The following RBFOX2 variants were observed in gnomAD, a reference collection of about 807,000 sequenced individuals.
RBFOX2 encodes RNA binding protein fox-1 homolog 2.
In RBFOX2, 10 loss-of-function variants were observed where a neutral mutation model predicts 49.1. That is an observed-to-expected ratio of 0.20 (90% CI 0.13 to 0.35). The LOEUF (loss-of-function observed/expected upper bound fraction) is 0.35, where lower values mean the gene tolerates loss of function less well. RBFOX2 is among the 10% of genes least tolerant of loss of function. RBFOX2 has a pLI of 1.00. For missense variants in RBFOX2, 323 were observed against 486.9 expected (o/e 0.66, Z 3.17); for synonymous variants, 183 against 187.4 (o/e 0.98, Z 0.19).
intron 1 of RBFOX2, among the ~76,000 whole-genome samples, chr22:35,949,772 T>C (rs1306946243): frequency 6.6e-6 from 1 of 152,220 alleles, no homozygotes; most frequent in Non-Finnish European, 1.5e-5. Context: ...TTTGCTTTTT[T>C]GTTGTTGAGT....
intron 1 of RBFOX2, among the ~76,000 whole-genome samples, chr22:36,017,294 C>A (rs747630063): frequency 6.6e-6 from 1 of 151,998 alleles, no homozygotes; most frequent in African/African-American, 2.4e-5. Flanking sequence ...CTTTGCAAGC[C>A]GAGGCGGGTG....
intron 1 of RBFOX2, among the ~76,000 whole-genome samples, chr22:35,886,877 G>A (rs1443892884): frequency 1.3e-5 from 2 of 152,146 alleles, no homozygotes; most frequent in South Asian, 4.1e-4. Flanking sequence ...GGGAGTTAGT[G>A]AAGTAAGACT....
chr22:35,906,671 C>T (rs1012335926), intron 1 of RBFOX2, among the ~76,000 whole-genome samples: 5 of 151,960 alleles, frequency 3.3e-5, no homozygotes, highest in Admixed American at 2.6e-4. Context: ...AAAAATTAGC[C>T]GGGCGTGGTG....
intron 1 of RBFOX2, among the ~76,000 whole-genome samples, chr22:35,828,221 C>A (rs1442951413): frequency 6.7e-6 from 1 of 148,978 alleles, no homozygotes; most frequent in Non-Finnish European, 1.5e-5. Flanking sequence ...AAAAAAACCA[C>A]AAAATACATG....
chr22:35,808,054 GATA>G (rs762946048), intron 2 of RBFOX2, among the ~76,000 whole-genome samples: 1 of 151,970 alleles, frequency 6.6e-6, no homozygotes, highest in Non-Finnish European at 1.5e-5. Context: ...AAAAAACCCT[GATA>G]ATTAGTATAG....
exon 1 of RBFOX2, chr22:36,028,537 CGCGT>C (rs990342798): frequency 1.8e-4 from 167 of 946,786 alleles, no homozygotes; most frequent in Middle Eastern, 5.3e-4. Context: ...CCCCCGCCCC[CGCGT>C]GCGTGCGTGC....
rs141236259 is a variant in RBFOX2 at position 35,936,618 on chromosome 22, C to A, written c.-34+2229G>T. Reference sequence around the variant, plus strand: ...AAAATAAACTAAAATAAACCTGTCACCATCAGAATGTGCCTCAAAGTAAAT... The same window carrying A: ...AAAATAAACTAAAATAAACCTGTCAACATCAGAATGTGCCTCAAAGTAAAT... On this transcript the variant is annotated intron_variant, in intron 1 of 13. Coordinates refer to the RBFOX2 transcript ENST00000359369. 3.4e-4 allele frequency among the ~76,000 whole-genome samples: 52 copies of A among 152,274 alleles called. No homozygotes were observed. The East Asian group carries it at 9.5e-3, about 28-fold the overall frequency.
chr22:35,944,505 A>C (rs1426312498), intron 1 of RBFOX2, among the ~76,000 whole-genome samples: 1 of 152,212 alleles, frequency 6.6e-6, no homozygotes, highest in Non-Finnish European at 1.5e-5. Flanking sequence ...AGCATTTTAA[A>C]AATACAGTTA....
At chr22:35,816,492 T>C (rs1179195066) in intron 1 of RBFOX2, among the ~76,000 whole-genome samples, 1 of 152,142 alleles carries the variant, frequency 6.6e-6, no homozygotes, top group East Asian at 1.9e-4. Context: ...CATTTTCTCT[T>C]TTACAATACA....
intron 1 of RBFOX2, among the ~76,000 whole-genome samples, chr22:35,928,680 C>T (rs1012811929): frequency 6.6e-6 from 1 of 152,098 alleles, no homozygotes; most frequent in African/African-American, 2.4e-5. Flanking sequence ...TAACTGAGAA[C>T]AAATATTTGC....
chr22:35,919,565 G>T (rs144024489), intron 1 of RBFOX2, among the ~76,000 whole-genome samples: 1 of 151,890 alleles, frequency 6.6e-6, no homozygotes, highest in Non-Finnish European at 1.5e-5. Flanking sequence ...TGATAACTAC[G>T]GGGAATGGAG....
intron 1 of RBFOX2, 79 bp from the exon 3 acceptor site, chr22:35,810,083 T>G: frequency 7.2e-7 from 1 of 1,391,922 alleles, no homozygotes; most frequent in Non-Finnish European, 1.0e-6. Flanking sequence ...GTATATGGAA[T>G]TCTCTGAATA....
chr22:35,941,464 T>C (rs1039446623), upstream of RBFOX2, among the ~76,000 whole-genome samples: 9 of 152,152 alleles, frequency 5.9e-5, no homozygotes, highest in South Asian at 8.3e-4. Context: ...CAATAACACA[T>C]AGATATTGAA....
chr22:35,934,779 G>A (rs747456328), intron 1 of RBFOX2, among the ~76,000 whole-genome samples: 9 of 152,126 alleles, frequency 5.9e-5, no homozygotes, highest in African/African-American at 9.7e-5. Flanking sequence ...ATGCACATAA[G>A]TATTCTCCCA....
chr22:35,839,437 AGAGT>A (rs1958313335), intron 1 of RBFOX2, among the ~76,000 whole-genome samples: 1 of 151,930 alleles, frequency 6.6e-6, no homozygotes, highest in Non-Finnish European at 1.5e-5. Flanking sequence ...GTTGGGGGAG[AGAGT>A]GAGTGGGAGT....
intron 1 of RBFOX2, chr22:36,000,007 T>TAA (rs1299405689): frequency 1.5e-5 from 1 of 67,798 alleles, no homozygotes; most frequent in Admixed American, 2.4e-4. Context: ...ATATATATAT[T>TAA]TTTTTTTTTT....
At chr22:36,023,959 C>A (rs896152176) in intron 1 of RBFOX2, among the ~76,000 whole-genome samples, 1 of 152,170 alleles carries the variant, frequency 6.6e-6, no homozygotes, top group Admixed American at 6.5e-5. Context: ...TGATTTACTC[C>A]AAAAGCTTAG....
chr22:35,829,470 T>C (rs894329026), intron 1 of RBFOX2, among the ~76,000 whole-genome samples: 2 of 151,536 alleles, frequency 1.3e-5, no homozygotes, highest in Non-Finnish European at 2.9e-5. Flanking sequence ...AAAAAACACA[T>C]ATACACCCAC....
intron 1 of RBFOX2, chr22:35,997,332 G>A (rs5750211): frequency 0.08 from 12,096 of 150,342 alleles, 505 homozygotes; most frequent in African/African-American, 0.096. Flanking sequence ...GCCTTCAGAA[G>A]TCTAGAGATA....
Sources: gnomAD v4.1 joint callset for allele counts (sites outside exome capture counted in the v4.1 genomes callset) on GRCh38, gnomAD v4.1.1 for gene constraint, MANE v1.5 for transcripts, NCBI Gene and HGNC (gene_info 2026-07-23, HGNC 2026-07-21) for gene names.